Variants in USH2A observed in about 807,000 individuals in gnomAD.
The protein encoded by USH2A is Usher syndrome 2A (autosomal recessive, mild).
Under a neutral mutation model 538.9 loss-of-function variants are expected in USH2A, and 443 were observed. The ratio of observed to expected loss-of-function variants is 0.82; its 90% CI spans 0.76 to 0.89. The LOEUF is 0.89. Among genes scored for constraint, USH2A ranks in the 40% least tolerant of loss-of-function variants. The pLI is 0.00. For synonymous variants in USH2A, 2,413 were observed against 2,273.5 expected (o/e 1.06, Z -1.75); for missense variants, 6,633 against 6,324.8 (o/e 1.05, Z -1.65).
intron 61 of USH2A, among the ~76,000 whole-genome samples, chr1:215,718,311 A>G (rs1659542446): frequency 6.6e-6 from 1 of 152,236 alleles, no homozygotes; most frequent in African/African-American, 2.4e-5. Context: ...ACTGTTCGGC[A>G]TAATTAGAAT....
intron 3 of USH2A, among the ~76,000 whole-genome samples, chr1:216,401,369 G>T (rs1460451325): frequency 2.6e-5 from 4 of 151,854 alleles, no homozygotes; most frequent in Admixed American, 2.6e-4. Context: ...TCAGAAAAGA[G>T]AAATGCAGAG....
At position 216,174,940 on chromosome 1, in the gene USH2A, G is replaced by A. The variant is rs1221451591; in HGVS notation, c.4627+312C>T. 3 of 1,195,896 alleles carry A rather than the reference G, an allele frequency of 2.5e-6. No homozygotes were observed. The East Asian group carries it at 1.6e-4, about 62-fold the overall frequency. The allele number at this position is 1,195,896 out of a possible 1,614,324, so 74.1% of individuals were successfully genotyped here. On this transcript the variant is annotated intron_variant, in intron 21 of 71. Coordinates refer to ENST00000307340, the MANE Select transcript of USH2A (RefSeq NM_206933.4). ...AACTCATTTGCTCAGAGAACACAGT[G>A]AATAATATTTCAAGAAACATGTCCT...
At chr1:216,107,797 G>A (rs953807162) in intron 21 of USH2A, among the ~76,000 whole-genome samples, 6 of 150,330 alleles carry the variant, frequency 4.0e-5, no homozygotes, top group African/African-American at 1.5e-4. Context: ...CATCTCCCTA[G>A]GTAGACTTTA....
In USH2A at chr1:215,867,105, A is replaced by G. The variant is rs549902812; in HGVS notation, c.8747T>C (p.Val2916Ala). 1 of 1,614,154 alleles carries G rather than the reference A, an allele frequency of 6.2e-7. No homozygotes were observed. Among genetic ancestry groups the G allele is most frequent in the Admixed American group, 1.7e-5 (1 of 60,016 alleles). ...NSVGFTPSREVTVTTLAGLPE... is the reference protein window; with the variant it reads ...NSVGFTPSREATVTTLAGLPE... ...AAGACCAGCTAACGTTGTCACAGTCACTTCTCGGCTCGGTGTAAAACCCAC... is the reference window on the plus strand; with the variant it reads ...AAGACCAGCTAACGTTGTCACAGTCGCTTCTCGGCTCGGTGTAAAACCCAC... Residue 2916 changes from valine to alanine, a missense_variant, in exon 44 of 72, where the codon GTG (valine) becomes GCG (alanine). Transcript: ENST00000307340.
intron 21 of USH2A, among the ~76,000 whole-genome samples, chr1:216,156,533 A>G (rs1466290111): frequency 2.0e-5 from 3 of 152,170 alleles, no homozygotes; most frequent in Non-Finnish European, 2.9e-5. Flanking sequence ...AAATAAATCT[A>G]CACTTATAAA....
intron 21 of USH2A, among the ~76,000 whole-genome samples, chr1:216,141,378 C>A (rs1411960734): frequency 6.6e-6 from 1 of 152,188 alleles, no homozygotes; most frequent in African/African-American, 2.4e-5. Flanking sequence ...CCCTAGCGAG[C>A]ATCACAGGAG....
intron 21 of USH2A, among the ~76,000 whole-genome samples, chr1:216,145,016 T>C (rs1259845041): frequency 7.9e-5 from 12 of 151,950 alleles, no homozygotes. Flanking sequence ...GGACTGGGAG[T>C]GGAGAAGCTT....
At chr1:215,761,496 T>C (rs766081718) in intron 56 of USH2A, among the ~76,000 whole-genome samples, 2 of 152,218 alleles carry the variant, frequency 1.3e-5, no homozygotes, top group Admixed American at 1.3e-4. Flanking sequence ...GTTAGTTCCA[T>C]GGTAGCAGGG....
At chr1:215,942,542 C>T (rs1490921841) in intron 37 of USH2A, among the ~76,000 whole-genome samples, 1 of 152,084 alleles carries the variant, frequency 6.6e-6, no homozygotes, top group Non-Finnish European at 1.5e-5. Context: ...TTCACAGCTT[C>T]TAAATTAAGT....
At chr1:215,952,884 CTT>C (rs949683787) in intron 37 of USH2A, among the ~76,000 whole-genome samples, 65 of 152,168 alleles carry the variant, frequency 4.3e-4, no homozygotes, top group African/African-American at 1.6e-3. Context: ...CGAGGAGTAT[CTT>C]TGCAAAAATC....
At chr1:216,291,346 A>T (rs536536314) in intron 10 of USH2A, among the ~76,000 whole-genome samples, 2 of 152,118 alleles carry the variant, frequency 1.3e-5, no homozygotes, top group African/African-American at 4.8e-5. Context: ...TAATCTTTCA[A>T]CTGGTTAACT....
intron 30 of USH2A, among the ~76,000 whole-genome samples, chr1:216,065,464 C>A (rs1017834053): frequency 6.6e-6 from 1 of 152,104 alleles, no homozygotes; most frequent in Non-Finnish European, 1.5e-5. Context: ...TTTTTTAAAT[C>A]TCTACACAAA....
chr1:216,369,943 T>C (rs1006780152), intron 3 of USH2A, among the ~76,000 whole-genome samples: 2 of 133,338 alleles, frequency 1.5e-5, no homozygotes, highest in African/African-American at 5.7e-5. Flanking sequence ...AAAAAAAAAG[T>C]ATGTCAGACA....
chr1:215,940,128 C>G (rs939527228), intron 37 of USH2A, among the ~76,000 whole-genome samples: 2 of 152,132 alleles, frequency 1.3e-5, no homozygotes, highest in African/African-American at 2.4e-5. Context: ...ATATGTCAGG[C>G]CTGGTCCTGC....
intron 13 of USH2A, among the ~76,000 whole-genome samples, chr1:216,232,402 A>G (rs1558332901): frequency 6.6e-6 from 1 of 152,128 alleles, no homozygotes; most frequent in Non-Finnish European, 1.5e-5. Context: ...TTCTACAAAA[A>G]ACTTGACCTC....
At chr1:215,861,089 A>G (rs948802985) in intron 44 of USH2A, among the ~76,000 whole-genome samples, 1 of 152,128 alleles carries the variant, frequency 6.6e-6, no homozygotes, top group Non-Finnish European at 1.5e-5. Flanking sequence ...TTGGGCAATA[A>G]TCCTTCAAGT....
At chr1:216,323,358 T>C (rs2037655918) in intron 8 of USH2A, 116 bp downstream of exon 8, 1 of 949,946 alleles carries the variant, frequency 1.1e-6, no homozygotes. Context: ...AATCTTAGAG[T>C]ATGAAATCAT....
At chr1:215,823,553 T>C (rs1197303839) in intron 47 of USH2A, among the ~76,000 whole-genome samples, 1 of 152,122 alleles carries the variant, frequency 6.6e-6, no homozygotes, top group East Asian at 1.9e-4. Context: ...TTCTCTGACC[T>C]TTCTATATCT....
intron 70 of USH2A, 124 bp from the exon 71 acceptor site, chr1:215,629,159 T>C (rs917118235): frequency 1.5e-5 from 15 of 1,034,378 alleles, no homozygotes; most frequent in Middle Eastern, 3.0e-4. Flanking sequence ...TGTCACATTG[T>C]CAATGAAGGG....
Sources: allele counts gnomAD v4.1 joint callset (sites outside exome capture counted in the v4.1 genomes callset), GRCh38; gene constraint gnomAD v4.1.1; transcripts MANE v1.5; gene names NCBI Gene and HGNC (gene_info 2026-07-23, HGNC 2026-07-21).